CADM1: variants seen among roughly 807,000 people sequenced by gnomAD.
CADM1 encodes the protein TSLC-1.
A neutral mutation model predicts 53.1 loss-of-function variants in CADM1; 15 were observed. The ratio of observed to expected loss-of-function variants is 0.28; its 90% CI spans 0.19 to 0.44. CADM1 has a LOEUF of 0.44. Ranked by LOEUF, CADM1 falls within the 20% of genes least tolerant of loss-of-function variation. The pLI is 1.00. For synonymous variants in CADM1, 281 were observed against 243.0 expected, an observed-to-expected ratio of 1.16 and a Z score of -1.45; for missense variants, 434 against 611.3, an observed-to-expected ratio of 0.71 and a Z score of 3.06.
At chr11:115,394,682 T>C (rs1425270564) in intron 1 of CADM1, among the ~76,000 whole-genome samples, 3 of 152,174 alleles carry the variant, frequency 2.0e-5, no homozygotes, top group Admixed American at 2.0e-4. Context: ...ACTACAGAGA[T>C]GGTGCATAGT....
chr11:115,443,870 G>A (rs936282824), intron 1 of CADM1, among the ~76,000 whole-genome samples: 1 of 152,072 alleles, frequency 6.6e-6, no homozygotes, highest in Non-Finnish European at 1.5e-5. Context: ...TTAGAAGAAC[G>A]GACAAACTGC....
intron 1 of CADM1, among the ~76,000 whole-genome samples, chr11:115,261,858 C>T (rs1942984085): frequency 6.6e-6 from 1 of 151,692 alleles, no homozygotes; most frequent in Non-Finnish European, 1.5e-5. Context: ...CGGCTCACTG[C>T]AACCTCCACC....
chr11:115,238,714 A>G (rs1942100706), intron 2 of CADM1, 62 bp from the exon 3 acceptor site: 1 of 1,539,028 alleles, frequency 6.5e-7, no homozygotes, highest in Admixed American at 1.7e-5. Flanking sequence ...TATTTTCCTT[A>G]ATTATTTATT....
chr11:115,220,675 C>A (rs1941371695), intron 5 of CADM1, among the ~76,000 whole-genome samples: 1 of 152,172 alleles, frequency 6.6e-6, no homozygotes, highest in Non-Finnish European at 1.5e-5. Context: ...TCCTCTCGCC[C>A]AGCCTAGGAA....
At chr11:115,235,356 C>A (rs1941976571) in intron 3 of CADM1, among the ~76,000 whole-genome samples, 2 of 152,094 alleles carry the variant, frequency 1.3e-5, no homozygotes, top group South Asian at 4.2e-4. Flanking sequence ...GTATAAAAAT[C>A]CATTTATAAG....
rs534417205 is a variant in CADM1, at chr11:115,289,007, T to C, written c.125-48587A>G. On this transcript the variant is annotated intron_variant, in intron 1 of 11. Transcript: ENST00000331581. The stretch of plus-strand genomic sequence containing the variant: ...GGATAAGGAACATGTTGATTTTGCT[T>C]AGCTGACTGTTCTCAGGAAGAACTG... Among the ~76,000 whole-genome samples, 4 of 152,240 alleles carry C rather than the reference T, an allele frequency of 2.6e-5. No homozygotes were observed. In the South Asian group the frequency reaches 8.3e-4, roughly 32 times the overall value.
chr11:115,492,799 G>A (rs1360345826), intron 1 of CADM1, among the ~76,000 whole-genome samples: 2 of 152,090 alleles, frequency 1.3e-5, no homozygotes, highest in East Asian at 3.9e-4. Flanking sequence ...GAATGTATTA[G>A]CATGACATTG....
intron 1 of CADM1, among the ~76,000 whole-genome samples, chr11:115,443,381 A>C (rs1948370562): frequency 6.6e-6 from 1 of 152,208 alleles, no homozygotes; most frequent in African/African-American, 2.4e-5. Flanking sequence ...AGATTGTACA[A>C]TAAGCAGAAA....
At chr11:115,383,388 T>C (rs1946625271) in intron 1 of CADM1, among the ~76,000 whole-genome samples, 1 of 152,242 alleles carries the variant, frequency 6.6e-6, no homozygotes, top group Admixed American at 6.5e-5. Flanking sequence ...CAGTGAGATA[T>C]GCTTCTATAG....
At chr11:115,281,383 T>G (rs1425467268) in intron 1 of CADM1, among the ~76,000 whole-genome samples, 5 of 152,322 alleles carry the variant, frequency 3.3e-5, no homozygotes, top group East Asian at 3.9e-4. Context: ...GACTTGAGCT[T>G]AAAGAGAACA....
At chr11:115,357,841 T>C (rs1482215910) in intron 1 of CADM1, among the ~76,000 whole-genome samples, 4 of 152,138 alleles carry the variant, frequency 2.6e-5, no homozygotes, top group South Asian at 2.1e-4. Flanking sequence ...GAGTACTTAA[T>C]AGGAACCTCT....
intron 1 of CADM1, among the ~76,000 whole-genome samples, chr11:115,421,120 C>T (rs1947745535): frequency 6.6e-6 from 1 of 152,160 alleles, no homozygotes; most frequent in Non-Finnish European, 1.5e-5. Flanking sequence ...ACATGTTGCA[C>T]ATTATTCAAT....
At chr11:115,482,510 T>C (rs972271864) in intron 1 of CADM1, among the ~76,000 whole-genome samples, 7 of 152,204 alleles carry the variant, frequency 4.6e-5, no homozygotes, top group African/African-American at 1.4e-4. Flanking sequence ...TCACATTAAT[T>C]TTAACTCTTA....
At chr11:115,225,934 A>G (rs907803622) in intron 5 of CADM1, among the ~76,000 whole-genome samples, 1 of 152,130 alleles carries the variant, frequency 6.6e-6, no homozygotes, top group Non-Finnish European at 1.5e-5. Flanking sequence ...ATAAACCTTC[A>G]TGGTGTAAAA....
Position 115,233,215 on chromosome 11 carries a change from A to T in CADM1, c.425-1725T>A, listed in dbSNP as rs565864050. Reference sequence around the variant, plus strand: ...TTGTTTCCCGTGTACAAGGAAAACAACATTGCTCAAATGGATGTGTTGCTA... The same window carrying T: ...TTGTTTCCCGTGTACAAGGAAAACATCATTGCTCAAATGGATGTGTTGCTA... On this transcript the variant is annotated intron_variant, in intron 3 of 11. Transcript: ENST00000331581. Among the ~76,000 whole-genome samples, 359 of 152,342 alleles carry T rather than the reference A, an allele frequency of 2.4e-3. 1 individual carries two copies. Among genetic ancestry groups the T allele is most frequent in the African/African-American group, 7.6e-3 (315 of 41,566 alleles).
chr11:115,196,231 C>T (rs72994026), intron 9 of CADM1, among the ~76,000 whole-genome samples: 3,394 of 152,234 alleles, frequency 0.022, 57 homozygotes, highest in Non-Finnish European at 0.031. Context: ...TTCTCTTTCT[C>T]TCTCTCCAGG....
At chr11:115,259,781 T>C (rs1942915728) in intron 1 of CADM1, among the ~76,000 whole-genome samples, 1 of 152,118 alleles carries the variant, frequency 6.6e-6, no homozygotes, top group Admixed American at 6.5e-5. Context: ...CATCTAAAGA[T>C]CTCATCCTGA....
chr11:115,222,115 G>A lies in CADM1; in HGVS notation c.722-4124C>T, dbSNP rs577563555. 4.6e-5 allele frequency among the ~76,000 whole-genome samples: 7 copies of A among 152,234 alleles called. No individual in the cohort carries two copies. In the East Asian group the frequency reaches 1.2e-3, roughly 25 times the overall value. On this transcript the variant is annotated intron_variant, in intron 5 of 11. Transcript: ENST00000331581. ...GATGCTTGTGGATCAAGTGCTAATT[G>A]TTTCAAGTCCTACCAGGGAGAACTC... is the stretch of plus-strand genomic sequence containing the variant.
chr11:115,439,547 A>G (rs544266206), intron 1 of CADM1, among the ~76,000 whole-genome samples: 2 of 152,364 alleles, frequency 1.3e-5, no homozygotes, highest in African/African-American at 4.8e-5. Context: ...TGCTGTTGAC[A>G]GACTGCAGCT....
Sources: allele counts gnomAD v4.1 joint callset (sites outside exome capture counted in the v4.1 genomes callset), GRCh38; gene constraint gnomAD v4.1.1; transcripts MANE v1.5; gene names NCBI Gene and HGNC (gene_info 2026-07-23, HGNC 2026-07-21).